Variants in CEMIP2 observed in about 807,000 individuals in gnomAD.
CEMIP2 encodes cell surface hyaluronidase CEMIP2.
In CEMIP2, 79 loss-of-function variants were observed where a neutral mutation model predicts 146.9. The ratio of observed to expected loss-of-function variants is 0.54; its 90% CI spans 0.45 to 0.65. The LOEUF is 0.65. CEMIP2 is among the 30% of genes least tolerant of loss of function. CEMIP2 has a pLI of 0.00. For synonymous variants in CEMIP2, 601 were observed against 606.3 expected, an observed-to-expected ratio of 0.99 and a Z score of 0.13; for missense variants, 1,596 against 1,696.2, an observed-to-expected ratio of 0.94 and a Z score of 1.04.
chr9:71,703,263 G>C (rs1822627936), intron 18 of CEMIP2, among the ~76,000 whole-genome samples: 1 of 152,224 alleles, frequency 6.6e-6, no homozygotes. Context: ...ATAAGATGGA[G>C]TGATGAGGGA....
chr9:71,741,185 ATTTTTTTTTTT>A (rs79872255), intron 4 of CEMIP2, among the ~76,000 whole-genome samples: 6 of 72,242 alleles, frequency 8.3e-5, no homozygotes, highest in East Asian at 5.2e-4. Context: ...ACTGAGTTAG[ATTTTTTTTTTT>A]TTTTTTTTTT....
intron 5 of CEMIP2, among the ~76,000 whole-genome samples, chr9:71,739,405 T>G (rs1369532575): frequency 7.4e-6 from 1 of 135,220 alleles, no homozygotes; most frequent in Non-Finnish European, 1.6e-5. Context: ...GACTACTTTT[T>G]TTTTAGTGGT....
At chr9:71,685,954 AG>A in intron 22 of CEMIP2, 108 bp from the exon 23 acceptor site, 1 of 772,236 alleles carries the variant, frequency 1.3e-6, no homozygotes, top group East Asian at 2.6e-5. Flanking sequence ...ATTAGATAAA[AG>A]CAGAACTCCA....
At chr9:71,742,713 T>C (rs1823957969) in intron 4 of CEMIP2, among the ~76,000 whole-genome samples, 2 of 152,228 alleles carry the variant, frequency 1.3e-5, no homozygotes, top group African/African-American at 4.8e-5. Context: ...CATTACTGGA[T>C]AATGAAACAA....
chr9:71,697,720 C>T, intron 20 of CEMIP2: 1 of 396,452 alleles, frequency 2.5e-6, no homozygotes, highest in East Asian at 4.3e-5. Context: ...TGAGGACCAA[C>T]ATAGCAACCT....
At chr9:71,685,580 C>T (rs1301500845) in intron 23 of CEMIP2, among the ~76,000 whole-genome samples, 163 bp downstream of exon 23, 1 of 152,046 alleles carries the variant, frequency 6.6e-6, no homozygotes, top group Non-Finnish European at 1.5e-5. Context: ...AAACCACATC[C>T]CAACACACTT....
At chr9:71,764,868 A>G (rs1169902737) in intron 1 of CEMIP2, among the ~76,000 whole-genome samples, 1 of 152,012 alleles carries the variant, frequency 6.6e-6, no homozygotes, top group East Asian at 1.9e-4. Flanking sequence ...GGAGAAAACT[A>G]GTAATGGGGA....
intron 3 of CEMIP2, 118 bp downstream of exon 3, chr9:71,746,083 T>C: frequency 2.7e-6 from 3 of 1,120,998 alleles, no homozygotes; most frequent in Non-Finnish European, 2.5e-6. Flanking sequence ...ATGGTTAGAG[T>C]GACACCACAA....
intron 16 of CEMIP2, among the ~76,000 whole-genome samples, chr9:71,709,897 T>C (rs1361300907): frequency 1.3e-5 from 2 of 152,174 alleles, no homozygotes; most frequent in Non-Finnish European, 2.9e-5. Flanking sequence ...TACATGTAAA[T>C]TATATCTCAA....
At chr9:71,709,184 GA>G in intron 17 of CEMIP2, 74 bp downstream of exon 17, 1 of 1,362,558 alleles carries the variant, frequency 7.3e-7, no homozygotes, top group South Asian at 1.2e-5. Flanking sequence ...CTGAAAAGCT[GA>G]AGAGTACTTC....
Position 71,709,348 on chromosome 9 carries a change from C to CCACATAAGCATCCTTGTATCCTGT in CEMIP2, c.2872_2895dup (p.Thr958_Val965dup). 2 of 1,614,166 alleles carry CCACATAAGCATCCTTGTATCCTGT rather than the reference C, an allele frequency of 1.2e-6. No individual in the cohort carries two copies. The highest frequency in any genetic ancestry group is 1.7e-6 in the Non-Finnish European group (2 of 1,180,028). On this transcript the variant is annotated inframe_insertion, in exon 17 of 24. Transcript: ENST00000377044. ...CGGATCAGGTAGTTGTCCATTCTTC[C>CCACATAAGCATCCTTGTATCCTGT]CACATAAGCATCCTTGTATCCTGTC...
At chr9:71,727,244 T>C (rs1589148311) in intron 10 of CEMIP2, among the ~76,000 whole-genome samples, 1 of 152,202 alleles carries the variant, frequency 6.6e-6, no homozygotes, top group Non-Finnish European at 1.5e-5. Flanking sequence ...CTTCAAGCCC[T>C]GACTTCTAAA....
At chr9:71,718,359 CA>C (rs1361238475) in intron 12 of CEMIP2, among the ~76,000 whole-genome samples, 1 of 151,706 alleles carries the variant, frequency 6.6e-6, no homozygotes, top group Admixed American at 6.6e-5. Flanking sequence ...AAATCATTTC[CA>C]AAAAAACCCA....
At chr9:71,743,462 G>A (rs927503932) in intron 4 of CEMIP2, among the ~76,000 whole-genome samples, 14 of 152,158 alleles carry the variant, frequency 9.2e-5, no homozygotes, top group Admixed American at 9.2e-4. Context: ...ACCCTTTGAG[G>A]TTTTGCACAT....
chr9:71,748,087 A>G (rs146833349), intron 2 of CEMIP2, among the ~76,000 whole-genome samples: 3 of 152,312 alleles, frequency 2.0e-5, no homozygotes, highest in East Asian at 3.9e-4. Flanking sequence ...CCATAGTTTT[A>G]TAACAAGCAC....
intron 10 of CEMIP2, among the ~76,000 whole-genome samples, chr9:71,728,815 T>TTTTG (rs1554684961): frequency 3.2e-4 from 48 of 148,310 alleles, no homozygotes; most frequent in East Asian, 6.1e-4. Context: ...TGTGGGGTTT[T>TTTTG]TGTGTGTGTG....
At chr9:71,698,318 T>A (rs2131873968) in intron 19 of CEMIP2, 114 bp from the exon 20 acceptor site, 1 of 833,192 alleles carries the variant, frequency 1.2e-6, no homozygotes, top group Non-Finnish European at 1.9e-6. Flanking sequence ...AACTTTTCCT[T>A]AAAACATAAA....
intron 21 of CEMIP2, among the ~76,000 whole-genome samples, chr9:71,691,001 A>C (rs1216282652): frequency 6.6e-6 from 1 of 152,234 alleles, no homozygotes; most frequent in Non-Finnish European, 1.5e-5. Context: ...CCTGTTTATA[A>C]GGTGTAAAAT....
intron 19 of CEMIP2, among the ~76,000 whole-genome samples, chr9:71,698,987 T>C (rs930862200): frequency 1.4e-5 from 2 of 145,910 alleles, no homozygotes; most frequent in Non-Finnish European, 3.0e-5. Context: ...TTATGAGGTA[T>C]AAATCAGCTC....
Sources: gnomAD v4.1 joint callset for allele counts (sites outside exome capture counted in the v4.1 genomes callset) on GRCh38, gnomAD v4.1.1 for gene constraint, MANE v1.5 for transcripts, NCBI Gene and HGNC (gene_info 2026-07-23, HGNC 2026-07-21) for gene names.